ARHGAP22: variants seen among roughly 807,000 people sequenced by gnomAD.
ARHGAP22 encodes Rho GTPase activating protein 22.
A neutral mutation model predicts 59.1 loss-of-function variants in ARHGAP22; 48 were observed. That is an observed-to-expected ratio of 0.81 (90% CI 0.64 to 1.03). The LOEUF (loss-of-function observed/expected upper bound fraction) is 1.03, where lower values mean the gene tolerates loss of function less well. Ranked by LOEUF, ARHGAP22 falls within the 50% of genes least tolerant of loss-of-function variation. The pLI, the probability that ARHGAP22 is intolerant of heterozygous loss-of-function variation, is 0.00. For synonymous variants in ARHGAP22, 445 were observed against 416.4 expected (o/e 1.07, Z -0.84); for missense variants, 1,015 against 958.7 (o/e 1.06, Z -0.78).
At chr10:48,655,918 G>A (rs1437438578), upstream of ARHGAP22, 1 of 152,370 alleles carries the variant, frequency 6.6e-6, no homozygotes, top group Non-Finnish European at 1.5e-5. Context: ...ACGAAAACCC[G>A]TCCCTCGGGC....
At chr10:48,565,056 C>G (rs1019532429) in intron 2 of ARHGAP22, among the ~76,000 whole-genome samples, 2 of 152,350 alleles carry the variant, frequency 1.3e-5, no homozygotes, top group East Asian at 3.9e-4. Context: ...ACCCAGAACT[C>G]ACCCAAATCG....
Position 48,450,521 on chromosome 10 carries a change from G to C in ARHGAP22, c.1608C>G (p.Asp536Glu). 1 of 1,524,394 alleles carries C rather than the reference G, an allele frequency of 6.6e-7. No homozygotes were observed. The highest frequency in any genetic ancestry group is 8.8e-7 in the Non-Finnish European group (1 of 1,136,014). The allele number at this position is 1,524,394 out of a possible 1,614,324, so 94.4% of individuals were successfully genotyped here. A position where few individuals can be genotyped will look rare whatever the true frequency, so the allele number is the denominator to read the frequency against. Residue 536 changes from aspartate to glutamate, a missense_variant, in exon 9 of 10, where the codon GAC (aspartate) becomes GAG (glutamate). By Grantham distance (45) the Asp-to-Glu change is conservative. Transcript: ENST00000249601. ...TGTGCAGGGAACTGCGGGCAGACGA[G>C]TCGCTGGCGCGGCAGGCCGTGCAGC... ...LSSCTACRAS[D>E]SSARSSLHTD...
At chr10:48,645,317 A>G (rs1317002390) in intron 1 of ARHGAP22, among the ~76,000 whole-genome samples, 3 of 152,206 alleles carry the variant, frequency 2.0e-5, no homozygotes, top group Admixed American at 6.5e-5. Context: ...CTTCTACAAA[A>G]AGAAAACTAC....
rs7092959 is a variant in ARHGAP22 at position 48,453,298 on chromosome 10, A to C, written c.988+6T>G. Reference sequence around the variant, plus strand: ...CCCAGGGCCACCAGGTACACCTCCCACTTACCTTCCATGATGGTTACTGGG... The same window carrying C: ...CCCAGGGCCACCAGGTACACCTCCCCCTTACCTTCCATGATGGTTACTGGG... On this transcript the variant is annotated splice_donor_region_variant and intron_variant, in intron 8 of 9. Transcript: ENST00000249601. The C allele has an allele frequency of 6.2e-7, 1 of 1,613,318 alleles. No homozygotes were observed. Among genetic ancestry groups the C allele is most frequent in the Non-Finnish European group, 8.5e-7 (1 of 1,179,690 alleles).
At chr10:48,528,521 C>A (rs1341368191) in intron 3 of ARHGAP22, among the ~76,000 whole-genome samples, 2 of 152,174 alleles carry the variant, frequency 1.3e-5, no homozygotes, top group African/African-American at 4.8e-5. Context: ...AAAGAAAACT[C>A]TGCAGAGGAG....
intron 1 of ARHGAP22, among the ~76,000 whole-genome samples, chr10:48,647,375 A>C (rs1315469705): frequency 6.6e-6 from 1 of 152,250 alleles, no homozygotes; most frequent in African/African-American, 2.4e-5. Flanking sequence ...TCTGGGCGAC[A>C]AGAGCAAAAC....
downstream of ARHGAP22, chr10:48,445,531 T>G (rs10776599): frequency 0.96 from 147,104 of 152,648 alleles, 71,063 homozygotes; most frequent in East Asian, 1. Context: ...TAAGCCAGAG[T>G]AGGGGGGTGA....
chr10:48,516,771 T>C (rs1653625919), intron 3 of ARHGAP22, among the ~76,000 whole-genome samples: 1 of 152,192 alleles, frequency 6.6e-6, no homozygotes, highest in Non-Finnish European at 1.5e-5. Flanking sequence ...TCCTCCGATA[T>C]CAAAAACCAA....
At chr10:48,512,478 T>C (rs1445056366) in intron 3 of ARHGAP22, among the ~76,000 whole-genome samples, 4 of 152,278 alleles carry the variant, frequency 2.6e-5, no homozygotes, top group African/African-American at 7.2e-5. Context: ...ATAATGTTTA[T>C]GTGTTAAAAA....
chr10:48,488,694 G>C (rs1206153366), intron 3 of ARHGAP22, among the ~76,000 whole-genome samples: 1 of 152,194 alleles, frequency 6.6e-6, no homozygotes, highest in Non-Finnish European at 1.5e-5. Flanking sequence ...AGGAACAGGT[G>C]CCATGCTTTG....
intron 3 of ARHGAP22, among the ~76,000 whole-genome samples, chr10:48,547,221 C>T (rs950776488): frequency 6.6e-6 from 1 of 152,220 alleles, no homozygotes; most frequent in Non-Finnish European, 1.5e-5. Context: ...GCCTAGGCAA[C>T]ATCTGCATCC....
upstream of ARHGAP22, among the ~76,000 whole-genome samples, chr10:48,609,828 C>T (rs983789290): frequency 6.6e-6 from 1 of 152,202 alleles, no homozygotes; most frequent in Non-Finnish European, 1.5e-5. Context: ...TTCCTGCCCC[C>T]TCACCCATAA....
At chr10:48,555,376 G>C (rs1385329105) in intron 3 of ARHGAP22, 87 bp downstream of exon 3, 1 of 922,022 alleles carries the variant, frequency 1.1e-6, no homozygotes, top group African/African-American at 1.7e-5. Context: ...CCTGCGGGAG[G>C]AGTGTCACGA....
At chr10:48,603,825 T>C (rs1564983324) in intron 1 of ARHGAP22, among the ~76,000 whole-genome samples, 1 of 152,310 alleles carries the variant, frequency 6.6e-6, no homozygotes, top group East Asian at 1.9e-4. Flanking sequence ...GCTAATAAGA[T>C]GGGTGTGTTC....
intron 1 of ARHGAP22, among the ~76,000 whole-genome samples, chr10:48,635,566 C>T (rs1189156396): frequency 6.6e-6 from 1 of 152,234 alleles, no homozygotes; most frequent in Non-Finnish European, 1.5e-5. Flanking sequence ...CTGGGGTTGC[C>T]CTCAGCCAAG....
chr10:48,506,784 G>A (rs867885682), intron 3 of ARHGAP22, among the ~76,000 whole-genome samples: 2 of 152,162 alleles, frequency 1.3e-5, no homozygotes, highest in Non-Finnish European at 2.9e-5. Flanking sequence ...CTAGAGTTAT[G>A]TGACACGAGG....
intron 3 of ARHGAP22, among the ~76,000 whole-genome samples, chr10:48,536,580 C>A (rs141495324): frequency 1.3e-5 from 2 of 152,182 alleles, no homozygotes; most frequent in Admixed American, 1.3e-4. Context: ...CTCAATCCAC[C>A]CAACAGACCT....
At chr10:48,565,682 T>C (rs2058004905) in intron 2 of ARHGAP22, among the ~76,000 whole-genome samples, 1 of 151,896 alleles carries the variant, frequency 6.6e-6, no homozygotes. Flanking sequence ...TGAGGCCTGG[T>C]TTCTTTATGT....
rs544999452 is a variant in ARHGAP22 at position 48,548,963 on chromosome 10, G to C, written c.322+6500C>G. On this transcript the variant is annotated intron_variant, in intron 3 of 9. Coordinates refer to ENST00000249601, the MANE Select transcript of ARHGAP22 (RefSeq NM_021226.4). The stretch of plus-strand genomic sequence containing the variant: ...GCAGTTCCACCGCTCACCGGCCCTC[G>C]GATCCCAGCAAGTTACTTAGCTTGT... Among the ~76,000 whole-genome samples the C allele has an allele frequency of 3.1e-4, 47 of 152,184 alleles. 1 individual carries two copies. The highest frequency in any genetic ancestry group is 5.9e-5 in the Non-Finnish European group (4 of 68,034).
Sources: gnomAD v4.1 joint callset for allele counts (sites outside exome capture counted in the v4.1 genomes callset) on GRCh38, gnomAD v4.1.1 for gene constraint, MANE v1.5 for transcripts, NCBI Gene and HGNC (gene_info 2026-07-23, HGNC 2026-07-21) for gene names.